RAPGEF5: variants seen among roughly 807,000 people sequenced by gnomAD.
RAPGEF5 encodes M-Ras-regulated GEF.
Under a neutral mutation model 125.2 loss-of-function variants are expected in RAPGEF5, and 65 were observed. The observed-to-expected ratio is 0.52, with a 90% CI of 0.43 to 0.64. The LOEUF (loss-of-function observed/expected upper bound fraction) is 0.64. RAPGEF5 is among the 30% of genes least tolerant of loss of function. The pLI is 0.00. For synonymous variants in RAPGEF5, 391 were observed against 385.9 expected (o/e 1.01, Z -0.16); for missense variants, 958 against 1,048.1 (o/e 0.91, Z 1.19).
intron 20 of RAPGEF5, among the ~76,000 whole-genome samples, chr7:22,140,409 C>T (rs1783219192): frequency 1.3e-5 from 2 of 152,160 alleles, no homozygotes; most frequent in Admixed American, 1.3e-4. Flanking sequence ...CAACTGAGCA[C>T]TCTTTTAAAT....
chr7:22,261,331 T>C (rs1445898307), intron 7 of RAPGEF5, among the ~76,000 whole-genome samples: 1 of 152,006 alleles, frequency 6.6e-6, no homozygotes, highest in South Asian at 2.1e-4. Flanking sequence ...ATTACTGATA[T>C]AAAATTTAGG....
At chr7:22,247,690 T>C (rs1331683250) in intron 7 of RAPGEF5, among the ~76,000 whole-genome samples, 1 of 151,696 alleles carries the variant, frequency 6.6e-6, no homozygotes, top group African/African-American at 2.4e-5. Flanking sequence ...TTCATAGCAG[T>C]ATGAAAATGC....
intron 11 of RAPGEF5, among the ~76,000 whole-genome samples, chr7:22,171,551 T>C (rs546913895): frequency 2.3e-4 from 35 of 152,324 alleles, no homozygotes; most frequent in Non-Finnish European, 4.7e-4. Context: ...TAGGCTGGAG[T>C]GCAGTGGCAC....
chr7:22,316,753 C>T (rs1783608804), intron 2 of RAPGEF5, among the ~76,000 whole-genome samples: 1 of 151,552 alleles, frequency 6.6e-6, no homozygotes, highest in South Asian at 2.1e-4. Context: ...CCACCTCAGC[C>T]TTCCAAAGAG....
At chr7:22,233,219 G>A (rs1786102332) in intron 7 of RAPGEF5, among the ~76,000 whole-genome samples, 1 of 152,158 alleles carries the variant, frequency 6.6e-6, no homozygotes, top group African/African-American at 2.4e-5. Flanking sequence ...AATAACAGAA[G>A]AAGCCTTTCC....
chr7:22,193,164 T>A (rs1785047700), intron 11 of RAPGEF5: 9 of 610,992 alleles, frequency 1.5e-5, no homozygotes, highest in Admixed American at 3.0e-5. Flanking sequence ...GTACAGCTAC[T>A]TCCCAGGGAG....
intron 5 of RAPGEF5, among the ~76,000 whole-genome samples, chr7:22,302,782 C>CTT (rs1217875974): frequency 2.2e-5 from 3 of 136,248 alleles, no homozygotes; most frequent in Non-Finnish European, 3.2e-5. Context: ...CCACCCCCGC[C>CTT]TTTTTTTTTT....
At chr7:22,327,728 A>G (rs1783841271) in intron 1 of RAPGEF5, among the ~76,000 whole-genome samples, 1 of 152,242 alleles carries the variant, frequency 6.6e-6, no homozygotes, top group Admixed American at 6.5e-5. Flanking sequence ...ATCTACTTTT[A>G]AGGTTGTTGT....
chr7:22,230,092 C>T (rs1215704289), intron 8 of RAPGEF5, among the ~76,000 whole-genome samples: 1 of 152,108 alleles, frequency 6.6e-6, no homozygotes, highest in Non-Finnish European at 1.5e-5. Context: ...AAACCCTTGT[C>T]CCACTAGTAA....
intron 5 of RAPGEF5, among the ~76,000 whole-genome samples, chr7:22,296,707 G>T (rs917337267): frequency 6.6e-6 from 1 of 152,172 alleles, no homozygotes; most frequent in Non-Finnish European, 1.5e-5. Context: ...CTATTCCTGG[G>T]TTGGGCAGTC....
chr7:22,308,667 T>C (rs879329341), intron 4 of RAPGEF5, among the ~76,000 whole-genome samples, 160 bp from the exon 5 acceptor site: 30 of 152,276 alleles, frequency 2.0e-4, no homozygotes, highest in Non-Finnish European at 3.1e-4. Context: ...TCCCATTGAA[T>C]TGGAAAGGAC....
intron 6 of RAPGEF5, among the ~76,000 whole-genome samples, chr7:22,278,503 G>C (rs1041443351): frequency 3.8e-4 from 57 of 151,934 alleles, no homozygotes; most frequent in African/African-American, 1.4e-3. Context: ...ATGAACAAAA[G>C]TAGATGAGGA....
intron 24 of RAPGEF5, among the ~76,000 whole-genome samples, chr7:22,127,084 G>A (rs1782772037): frequency 6.8e-6 from 1 of 147,378 alleles, no homozygotes; most frequent in African/African-American, 2.5e-5. Context: ...TGTCACCCAG[G>A]CTGAAGTGCA....
chr7:22,287,416 T>A (rs1045385592), intron 6 of RAPGEF5, among the ~76,000 whole-genome samples: 4 of 152,210 alleles, frequency 2.6e-5, no homozygotes, highest in African/African-American at 9.6e-5. Flanking sequence ...TTCCTCCTGA[T>A]GAACCTAAGA....
chr7:22,146,856 TA>T, intron 19 of RAPGEF5, 40 bp downstream of exon 19: 1 of 1,592,424 alleles, frequency 6.3e-7, no homozygotes, highest in Admixed American at 1.8e-5. Context: ...AATTCACAGT[TA>T]AAACAGCATT....
At chr7:22,318,734 C>T (rs1783654325) in intron 1 of RAPGEF5, among the ~76,000 whole-genome samples, 2 of 152,168 alleles carry the variant, frequency 1.3e-5, no homozygotes, top group Non-Finnish European at 2.9e-5. Context: ...AGAATCCCAC[C>T]AGACTCGAAG....
At chr7:22,291,124 C>T in intron 6 of RAPGEF5, 51 bp downstream of exon 6, 1 of 1,516,646 alleles carries the variant, frequency 6.6e-7, no homozygotes. Context: ...CTTCTAGGAC[C>T]CCAGCTTCAT....
At chr7:22,194,577 T>A in intron 9 of RAPGEF5, 1 of 984,230 alleles carries the variant, frequency 1.0e-6, no homozygotes, top group South Asian at 4.7e-5. Flanking sequence ...CACTCCATCA[T>A]TCAATTCAAT....
intron 18 of RAPGEF5, among the ~76,000 whole-genome samples, chr7:22,149,247 C>T (rs1349542607): frequency 6.6e-6 from 1 of 152,176 alleles, no homozygotes; most frequent in Admixed American, 6.5e-5. Context: ...ATCCTGCAGA[C>T]AACGTTACAT....
Sources: gnomAD v4.1 joint callset for allele counts (sites outside exome capture counted in the v4.1 genomes callset) on GRCh38, gnomAD v4.1.1 for gene constraint, MANE v1.5 for transcripts, NCBI Gene and HGNC (gene_info 2026-07-23, HGNC 2026-07-21) for gene names.